CLPTM1: variants seen among roughly 807,000 people sequenced by gnomAD.
CLPTM1 encodes putative lipid scramblase CLPTM1.
A neutral mutation model predicts 77.3 loss-of-function variants in CLPTM1; 21 were observed. The observed-to-expected ratio is 0.27, with a 90% CI of 0.19 to 0.39. The LOEUF is 0.39. CLPTM1 is among the 10% of genes least tolerant of loss of function. The pLI is 1.00. For synonymous variants in CLPTM1, 373 were observed against 381.0 expected (o/e 0.98, Z 0.24); for missense variants, 642 against 921.2 (o/e 0.70, Z 3.92).
chr19:44,980,091 C>T (rs1359063617), intron 5 of CLPTM1, among the ~76,000 whole-genome samples: 1 of 152,140 alleles, frequency 6.6e-6, no homozygotes, highest in Non-Finnish European at 1.5e-5. Flanking sequence ...ACCTGAAAAG[C>T]ATACTAGGAT....
intron 8 of CLPTM1, 63 bp from the exon 9 acceptor site, chr19:44,988,017 G>A: frequency 2.3e-6 from 3 of 1,308,280 alleles, no homozygotes; most frequent in South Asian, 2.4e-5. Flanking sequence ...CAGCCCTCGG[G>A]ACAAAAGCTA....
At chr19:44,985,153 G>A (rs902419449) in intron 5 of CLPTM1, 65 bp from the exon 6 acceptor site, 33 of 1,195,198 alleles carry the variant, frequency 2.8e-5, no homozygotes, top group Admixed American at 3.5e-5. Context: ...GCAGGGGTCC[G>A]GGCTCTGGAG....
chr19:44,974,483 C>A lies in CLPTM1; in HGVS notation c.354C>A (p.Phe118Leu). The A allele has an allele frequency of 6.2e-7, 1 of 1,614,178 alleles. No individual in the cohort carries two copies. Among genetic ancestry groups the A allele is most frequent in the Non-Finnish European group, 8.5e-7 (1 of 1,180,030 alleles). ...CAGAGCACGAGCACTTTACAGACTT[C>A]AACGCCACGTCGGCACTCTTCTGGG... ...YISEHEHFTD[F>L]NATSALFWEQ... Residue 118 changes from phenylalanine to leucine, a missense_variant, in exon 4 of 14, where the codon TTC becomes TTA. By Grantham distance (22) the Phe-to-Leu change is conservative. Coordinates refer to ENST00000337392, the MANE Select transcript of CLPTM1 (RefSeq NM_001294.4).
At chr19:44,975,770 G>A (rs568809550) in intron 4 of CLPTM1, among the ~76,000 whole-genome samples, 3 of 152,068 alleles carry the variant, frequency 2.0e-5, no homozygotes, top group African/African-American at 7.2e-5. Context: ...CACTATGTTG[G>A]CCAGGTTGGC....
chr19:44,960,495 A>G (rs908364427), intron 1 of CLPTM1, among the ~76,000 whole-genome samples: 2 of 152,160 alleles, frequency 1.3e-5, no homozygotes, highest in Non-Finnish European at 2.9e-5. Flanking sequence ...CCAGGACTAT[A>G]GCTGAGGTCT....
At position 44,992,655 on chromosome 19, in the gene CLPTM1, G is replaced by A. The variant is rs1427049786; in HGVS notation, c.1768G>A (p.Val590Ile). 11 of 1,613,864 alleles carry A rather than the reference G, an allele frequency of 6.8e-6. No homozygotes were observed. Among genetic ancestry groups the A allele is most frequent in the African/African-American group, 2.7e-5 (2 of 74,996 alleles). Residue 590 changes from valine (V) to isoleucine (I), a missense_variant, in exon 14 of 14, where the codon GTC becomes ATC. Val to Ile is a conservative substitution (Grantham distance 29). This residue lies in a region of CLPTM1 where 521 missense variants were observed against 800.4 expected (regional missense o/e 0.65). Coordinates refer to ENST00000337392, the MANE Select transcript of CLPTM1 (RefSeq NM_001294.4). The surrounding 1 kb of genome is among the most constrained non-coding windows in gnomAD (Gnocchi z 7.7). ...CCTCTACCAACGGTGGATCTACCGC[G>A]TCGACCCCACCCGAGTCAACGAGTT... ...IYLYQRWIYR[V>I]DPTRVNEFGM...
chr19:44,960,199 C>T (rs541446115), intron 1 of CLPTM1, among the ~76,000 whole-genome samples: 45 of 152,330 alleles, frequency 3.0e-4, no homozygotes, highest in Admixed American at 1.8e-3. Flanking sequence ...CTCACCCAGA[C>T]GACCCAGACG....
chr19:44,967,934 T>C (rs1324236517), intron 2 of CLPTM1, among the ~76,000 whole-genome samples: 1 of 152,238 alleles, frequency 6.6e-6, no homozygotes, highest in East Asian at 1.9e-4. Flanking sequence ...TCAGATTTTC[T>C]TATATATCAC....
rs1971078963 is a variant in CLPTM1 at position 44,991,731 on chromosome 19, CG to C, written c.1555+359del. Among the ~76,000 whole-genome samples, 1 of 151,968 alleles carries C rather than the reference CG, an allele frequency of 6.6e-6. No individual in the cohort carries two copies. Among genetic ancestry groups the C allele is most frequent in the Admixed American group, 6.6e-5 (1 of 15,240 alleles). On this transcript the variant is annotated intron_variant, in intron 12 of 13. Transcript: ENST00000337392. This position sits in a 1 kb window ranked among gnomAD's most constrained non-coding sequence, Gnocchi z 5.4. ...CCAGCCTGGGCAACTTGGCAAGACCCGATCTCTACAAAAAAACACAGAAATT... is the reference window on the plus strand; with the variant it reads ...CCAGCCTGGGCAACTTGGCAAGACCCATCTCTACAAAAAAACACAGAAATT...
In CLPTM1 at chr19:44,974,171, G is replaced by T. The variant is rs545072361; in HGVS notation, c.310-268G>T. Among the ~76,000 whole-genome samples, 187 of 152,184 alleles carry T rather than the reference G, an allele frequency of 1.2e-3. 2 individuals are homozygous for T. Among genetic ancestry groups the T allele is most frequent in the African/African-American group, 3.8e-3 (156 of 41,524 alleles). On this transcript the variant is annotated intron_variant, in intron 3 of 13. Transcript: ENST00000337392. ...GCAGGAGATCATTCAGGGAGCTCCT[G>T]CCCCTTCCTACCCCTAAATTCTAAT...
chr19:44,964,692 C>G (rs565864731), intron 2 of CLPTM1, among the ~76,000 whole-genome samples: 1 of 152,158 alleles, frequency 6.6e-6, no homozygotes, highest in Non-Finnish European at 1.5e-5. Context: ...TTATCCATCC[C>G]GAGAATTTAC....
At chr19:44,970,431 A>C (rs1600021681) in intron 2 of CLPTM1, among the ~76,000 whole-genome samples, 2 of 131,834 alleles carry the variant, frequency 1.5e-5, no homozygotes, top group Non-Finnish European at 3.1e-5. Flanking sequence ...ACAGGGTCTC[A>C]CTCTGTTGCC....
At position 44,990,759 on chromosome 19, in the gene CLPTM1, C is replaced by A; in HGVS notation, c.1324-91C>A. On this transcript the variant is annotated intron_variant, in intron 10 of 13. Coordinates refer to ENST00000337392, the MANE Select transcript of CLPTM1 (RefSeq NM_001294.4). This position sits in a 1 kb window ranked among gnomAD's most constrained non-coding sequence, Gnocchi z 4.8. ...TTGGGTCACACATGGGGCAGGGGAACTGGGAACGGTGGGGAAGGGCAGGGG... is the reference window on the plus strand; with the variant it reads ...TTGGGTCACACATGGGGCAGGGGAAATGGGAACGGTGGGGAAGGGCAGGGG... The A allele has an allele frequency of 7.5e-7, 1 of 1,337,192 alleles. No individual in the cohort carries two copies. The highest frequency in any genetic ancestry group is 1.1e-6 in the Non-Finnish European group (1 of 943,098). 82.8% of individuals were successfully genotyped at this position (1,337,192 alleles called of 1,614,324 possible). A position where few individuals can be genotyped will look rare whatever the true frequency, so the allele number is the denominator to read the frequency against.
upstream of CLPTM1, chr19:44,954,721 C>A (rs1488617949): frequency 3.3e-6 from 4 of 1,221,360 alleles, no homozygotes; most frequent in South Asian, 4.3e-5. Context: ...ACTGAGGGAA[C>A]GCGCATGCGT....
chr19:44,975,855 C>T (rs544564582), intron 4 of CLPTM1, among the ~76,000 whole-genome samples: 48 of 152,244 alleles, frequency 3.2e-4, no homozygotes, highest in Admixed American at 7.2e-4. Flanking sequence ...TGAGACACCG[C>T]GTCCAGCCAT....
chr19:44,970,329 C>G (rs546207838), intron 2 of CLPTM1, among the ~76,000 whole-genome samples: 1 of 146,456 alleles, frequency 6.8e-6, no homozygotes, highest in Admixed American at 6.7e-5. Flanking sequence ...AGGCTTGCAC[C>G]TTGTGGGGTC....
intron 2 of CLPTM1, among the ~76,000 whole-genome samples, chr19:44,963,645 A>C (rs1970580701): frequency 6.9e-6 from 1 of 144,796 alleles, no homozygotes. Context: ...TTTGTAATGG[A>C]GTCTCGCTCT....
rs751578355 is a variant in CLPTM1, at chr19:44,990,413, G to T, written c.1151G>T (p.Ser384Ile). The T allele has an allele frequency of 6.2e-7, 1 of 1,614,018 alleles. No homozygotes were observed. Among genetic ancestry groups the T allele is most frequent in the Non-Finnish European group, 8.5e-7 (1 of 1,179,952 alleles). The stretch of plus-strand genomic sequence containing the variant: ...CGCACAGATATCCAGTTCTGGAACA[G>T]CCGGCAGTCCCTGGAGGGCCTGTCC... ...AFKNDIQFWN[S>I]RQSLEGLSVR... Residue 384 changes from serine (S) to isoleucine (I), a missense_variant, in exon 10 of 14, where the codon AGC (serine) becomes ATC (isoleucine). Physicochemically the swap from Ser to Ile is moderately radical, Grantham distance 142 (BLOSUM62 -2). Transcript: ENST00000337392. This position sits in a 1 kb window ranked among gnomAD's most constrained non-coding sequence, Gnocchi z 4.8.
chr19:44,954,968 C>T, upstream of CLPTM1: 2 of 1,533,552 alleles, frequency 1.3e-6, no homozygotes, highest in Non-Finnish European at 1.7e-6. Context: ...GAAAGAGGGG[C>T]GTGGTTCGAA....
Sources: allele counts gnomAD v4.1 joint callset (sites outside exome capture counted in the v4.1 genomes callset), GRCh38; gene constraint gnomAD v4.1.1; regional missense constraint gnomAD v4.1.1; non-coding constraint Gnocchi (gnomAD v3.1); transcripts MANE v1.5; gene names NCBI Gene and HGNC (gene_info 2026-07-23, HGNC 2026-07-21).